Variants in MYO3B observed in about 807,000 individuals in gnomAD.
MYO3B encodes myosin IIIB, also known as myosin-IIIb.
Under a neutral mutation model 174.6 loss-of-function variants are expected in MYO3B, and 156 were observed. That is an observed-to-expected ratio of 0.89 (90% CI 0.78 to 1.02). The LOEUF is 1.02. MYO3B is among the 50% of genes least tolerant of loss of function. The pLI is 0.00. For missense variants in MYO3B, 1,632 were observed against 1,639.4 expected, an observed-to-expected ratio of 1.00 and a Z score of 0.08; for synonymous variants, 563 against 569.1, an observed-to-expected ratio of 0.99 and a Z score of 0.15.
chr2:170,539,782 G>T (rs554537386), intron 30 of MYO3B, among the ~76,000 whole-genome samples: 6 of 151,682 alleles, frequency 4.0e-5, no homozygotes, highest in Non-Finnish European at 7.4e-5. Flanking sequence ...ACTATGGCCC[G>T]GCTAGTTTTT....
At chr2:170,279,328 T>C (rs2093487957) in intron 7 of MYO3B, among the ~76,000 whole-genome samples, 1 of 152,182 alleles carries the variant, frequency 6.6e-6, no homozygotes, top group African/African-American at 2.4e-5. Flanking sequence ...ATAGCTATTC[T>C]AATTGGGGTA....
intron 7 of MYO3B, among the ~76,000 whole-genome samples, chr2:170,270,486 A>G (rs2093417804): frequency 6.6e-6 from 1 of 152,146 alleles, no homozygotes; most frequent in Non-Finnish European, 1.5e-5. Flanking sequence ...GCTGGCTTAG[A>G]TCTGATGTAT....
intron 7 of MYO3B, among the ~76,000 whole-genome samples, chr2:170,273,399 G>A (rs901101229): frequency 6.6e-6 from 1 of 152,028 alleles, no homozygotes. Flanking sequence ...TCACACCCCT[G>A]GATGGCCCAC....
chr2:170,379,543 G>A (rs994217265), intron 9 of MYO3B, among the ~76,000 whole-genome samples: 2 of 152,146 alleles, frequency 1.3e-5, no homozygotes, highest in Non-Finnish European at 2.9e-5. Context: ...TAGGTTTTAT[G>A]TGAAGGGGAT....
chr2:170,317,377 C>T (rs918491598), intron 7 of MYO3B, among the ~76,000 whole-genome samples: 2 of 152,170 alleles, frequency 1.3e-5, no homozygotes, highest in Non-Finnish European at 2.9e-5. Context: ...GGGCCCTGTT[C>T]CCAGAGGTTC....
At chr2:170,490,508 C>T (rs73025028) in intron 25 of MYO3B, among the ~76,000 whole-genome samples, 13,463 of 151,898 alleles carry the variant, frequency 0.089, 1,594 homozygotes, top group African/African-American at 0.27. Context: ...ATTCTACTTA[C>T]GCCCTTCAAA....
chr2:170,233,943 G>A (rs916337419), intron 6 of MYO3B, among the ~76,000 whole-genome samples: 1 of 151,792 alleles, frequency 6.6e-6, no homozygotes, highest in Non-Finnish European at 1.5e-5. Flanking sequence ...AGGCCGAGGC[G>A]GGTGGATCAC....
intron 1 of MYO3B, chr2:170,180,128 C>T (rs2105295532): frequency 2.4e-6 from 1 of 416,144 alleles, no homozygotes; most frequent in East Asian, 7.4e-5. Flanking sequence ...CTAGGCTTGA[C>T]TAACTGCAGA....
At chr2:170,281,860 A>G (rs2093513732) in intron 7 of MYO3B, among the ~76,000 whole-genome samples, 5 of 152,282 alleles carry the variant, frequency 3.3e-5, no homozygotes, top group Admixed American at 3.3e-4. Flanking sequence ...CCAAATAAAC[A>G]CAATTAGAAA....
chr2:170,608,179 G>C (rs74825331), intron 32 of MYO3B, among the ~76,000 whole-genome samples: 4,774 of 152,302 alleles, frequency 0.031, 102 homozygotes, highest in Middle Eastern at 0.051. Flanking sequence ...CTGCACTACA[G>C]CCTAGGTGAC....
At chr2:170,425,372 A>G (rs777662134) in intron 22 of MYO3B, among the ~76,000 whole-genome samples, 26 of 152,216 alleles carry the variant, frequency 1.7e-4, no homozygotes, top group Non-Finnish European at 2.9e-4. Flanking sequence ...TGGAGTAACA[A>G]TTGTGAACTT....
At chr2:170,499,917 T>TCTCCCCTCCCTC (rs1687137638) in intron 27 of MYO3B, 109 bp downstream of exon 27, 1 of 789,136 alleles carries the variant, frequency 1.3e-6, no homozygotes, top group Non-Finnish European at 1.9e-6. Flanking sequence ...CTCCCTTCCT[T>TCTCCCCTCCCTC]CTCCCCTCCC....
At chr2:170,410,595 A>C (rs77649328) in intron 22 of MYO3B, among the ~76,000 whole-genome samples, 1 of 148,994 alleles carries the variant, frequency 6.7e-6, no homozygotes, top group Non-Finnish European at 1.5e-5. Context: ...AAAAAAAGAA[A>C]AAAAAAAAAA....
intron 8 of MYO3B, among the ~76,000 whole-genome samples, chr2:170,368,015 C>G (rs368605520): frequency 6.6e-6 from 1 of 152,178 alleles, no homozygotes; most frequent in Non-Finnish European, 1.5e-5. Context: ...TACCGAATAT[C>G]TTTTCAGGAC....
At chr2:170,390,906 C>T (rs982993879) in intron 14 of MYO3B, among the ~76,000 whole-genome samples, 2 of 152,178 alleles carry the variant, frequency 1.3e-5, no homozygotes, top group Non-Finnish European at 2.9e-5. Flanking sequence ...CTTACCAGTT[C>T]CTTCTCTTGT....
intron 1 of MYO3B, among the ~76,000 whole-genome samples, chr2:170,179,865 G>C (rs1230818814): frequency 6.6e-6 from 1 of 152,120 alleles, no homozygotes; most frequent in Non-Finnish European, 1.5e-5. Flanking sequence ...CTTATTCTGT[G>C]TATCTCTGGG....
chr2:170,410,628 G>A (rs1448553228), intron 22 of MYO3B, among the ~76,000 whole-genome samples: 1 of 149,460 alleles, frequency 6.7e-6, no homozygotes, highest in Non-Finnish European at 1.5e-5. Context: ...AAACCTTAGA[G>A]GCAATTAGCT....
chr2:170,202,669 G>C (rs2092674939), intron 3 of MYO3B, among the ~76,000 whole-genome samples: 1 of 152,218 alleles, frequency 6.6e-6, no homozygotes, highest in Admixed American at 6.5e-5. Context: ...CTCTCACTGG[G>C]ATCGTAGCAC....
chr2:170,596,238 G>C lies in MYO3B; in HGVS notation c.3733+52250G>C, dbSNP rs557965111. 5.5e-4 allele frequency among the ~76,000 whole-genome samples: 83 copies of C among 152,256 alleles called. 1 individual carries two copies. The highest frequency in any genetic ancestry group is 4.6e-4 in the Non-Finnish European group (31 of 68,028). On this transcript the variant is annotated intron_variant, in intron 32 of 34. Coordinates refer to ENST00000408978, the MANE Select transcript of MYO3B (RefSeq NM_138995.5). ...ATTAGCCTGTTTGTGATTCTGGCTG[G>C]GTTTGTTGTAATACAACAAATAATT...
Sources: gnomAD v4.1 joint callset for allele counts (sites outside exome capture counted in the v4.1 genomes callset) on GRCh38, gnomAD v4.1.1 for gene constraint, MANE v1.5 for transcripts, NCBI Gene and HGNC (gene_info 2026-07-23, HGNC 2026-07-21) for gene names.